The following ITPR2 variants were observed in gnomAD, a reference collection of about 807,000 sequenced individuals.
The protein encoded by ITPR2 is inositol 1,4,5-trisphosphate-gated calcium channel ITPR2.
In ITPR2, 207 loss-of-function variants were observed where a neutral mutation model predicts 317.1. The observed-to-expected ratio is 0.65, with a 90% CI of 0.58 to 0.73. The LOEUF is 0.73. Ranked by LOEUF, ITPR2 falls within the 30% of genes least tolerant of loss-of-function variation. The pLI is 0.00. For synonymous variants in ITPR2, 1,156 were observed against 1,149.1 expected, an observed-to-expected ratio of 1.01 and a Z score of -0.12; for missense variants, 2,613 against 3,284.0, an observed-to-expected ratio of 0.80 and a Z score of 4.99.
At chr12:26,451,185 G>T (rs1565533966) in intron 45 of ITPR2, among the ~76,000 whole-genome samples, 1 of 152,112 alleles carries the variant, frequency 6.6e-6, no homozygotes, top group Non-Finnish European at 1.5e-5. Context: ...GGAAAATGTG[G>T]CAGTGGACAG....
intron 10 of ITPR2, among the ~76,000 whole-genome samples, chr12:26,691,244 T>C (rs569993392): frequency 1.3e-5 from 2 of 152,348 alleles, no homozygotes; most frequent in South Asian, 2.1e-4. Flanking sequence ...AAAGTCAATA[T>C]ATCTTTATAA....
intron 2 of ITPR2, among the ~76,000 whole-genome samples, chr12:26,779,459 T>C (rs375401039): frequency 6.6e-6 from 1 of 152,232 alleles, no homozygotes; most frequent in Admixed American, 6.5e-5. Flanking sequence ...GACTGGGCTC[T>C]AGCAGGTCCT....
chr12:26,419,174 T>C lies in ITPR2; in HGVS notation c.6985A>G (p.Asn2329Asp). 6.2e-7 allele frequency: 1 copy of C among 1,613,732 alleles called. No individual in the cohort carries two copies. The highest frequency in any genetic ancestry group is 2.2e-5 in the East Asian group (1 of 44,852). ...KIVFLVSFVG[N>D]RGTFTRGYRA... ...TACCCACGGGTGAACGTGCCACGAT[T>C]TCCAACAAAACTCACCAGAAAAACA... The change falls in exon 50 of 57, where the codon AAT (asparagine) becomes GAT (aspartate). Residue 2329 changes from asparagine (N) to aspartate (D), a missense_variant. Transcript: ENST00000381340.
At chr12:26,642,862 T>C (rs990302203) in intron 21 of ITPR2, among the ~76,000 whole-genome samples, 3 of 152,120 alleles carry the variant, frequency 2.0e-5, no homozygotes, top group African/African-American at 7.2e-5. Flanking sequence ...CTGCCCAGAT[T>C]CCCTTTCAGA....
At chr12:26,747,431 T>A (rs1949342523) in intron 2 of ITPR2, among the ~76,000 whole-genome samples, 1 of 152,224 alleles carries the variant, frequency 6.6e-6, no homozygotes, top group Non-Finnish European at 1.5e-5. Flanking sequence ...TATTTAAAAC[T>A]ACCACTTTTG....
At chr12:26,586,014 ATGTT>A (rs1945516143) in intron 32 of ITPR2, among the ~76,000 whole-genome samples, 1 of 152,124 alleles carries the variant, frequency 6.6e-6, no homozygotes, top group South Asian at 2.1e-4. Flanking sequence ...TAAATCATGA[ATGTT>A]TGGTTTTTCC....
chr12:26,625,880 A>G (rs1221694515), intron 23 of ITPR2, among the ~76,000 whole-genome samples: 7 of 151,458 alleles, frequency 4.6e-5, no homozygotes, highest in Non-Finnish European at 8.8e-5. Flanking sequence ...TTTTTTTTCT[A>G]CGTGAACCAA....
rs1345611885 is a variant in ITPR2 at position 26,502,836 on chromosome 12, G to A, written c.5074-7576C>T. ...AAAGGTCTTCCTCCTAGACAATGGG[G>A]AAAGTCATAACTAGTTTGCTGTTTT... On this transcript the variant is annotated intron_variant, in intron 37 of 56. Coordinates refer to ENST00000381340, the MANE Select transcript of ITPR2 (RefSeq NM_002223.4). Among the ~76,000 whole-genome samples the A allele has an allele frequency of 2.0e-5, 3 of 152,248 alleles. No individual in the cohort carries two copies. The South Asian group carries it at 6.2e-4, about 32-fold the overall frequency.
At chr12:26,518,740 T>A (rs1382959841) in intron 37 of ITPR2, among the ~76,000 whole-genome samples, 1 of 152,070 alleles carries the variant, frequency 6.6e-6, no homozygotes, top group Admixed American at 6.6e-5. Context: ...TTTTTAAAAT[T>A]TAACAATTTT....
chr12:26,647,296 C>T (rs1947134699), intron 21 of ITPR2, among the ~76,000 whole-genome samples: 1 of 152,168 alleles, frequency 6.6e-6, no homozygotes, highest in South Asian at 2.1e-4. Context: ...AGATGATACT[C>T]GAATGATTCA....
intron 10 of ITPR2, among the ~76,000 whole-genome samples, chr12:26,694,915 G>A (rs1012883418): frequency 2.0e-5 from 3 of 152,124 alleles, no homozygotes; most frequent in Admixed American, 6.5e-5. Context: ...GACAGAGAAG[G>A]GGGTCAAACA....
intron 9 of ITPR2, among the ~76,000 whole-genome samples, chr12:26,697,808 A>T (rs1043001300): frequency 8.0e-5 from 12 of 150,778 alleles, no homozygotes; most frequent in South Asian, 2.1e-4. Context: ...AATTATAATA[A>T]TAATAATATA....
intron 2 of ITPR2, among the ~76,000 whole-genome samples, chr12:26,785,515 A>C (rs1950217921): frequency 2.7e-5 from 1 of 37,380 alleles, no homozygotes; most frequent in Non-Finnish European, 6.7e-5. Flanking sequence ...GGAAGTGAGG[A>C]CCCCTCTGCC....
intron 1 of ITPR2, among the ~76,000 whole-genome samples, chr12:26,810,281 C>A (rs1210493230): frequency 6.6e-6 from 1 of 152,114 alleles, no homozygotes; most frequent in Non-Finnish European, 1.5e-5. Context: ...ATGGTTGCCT[C>A]AAATCCTTAT....
chr12:26,616,866 T>C (rs992907804), intron 26 of ITPR2, among the ~76,000 whole-genome samples: 4 of 152,198 alleles, frequency 2.6e-5, no homozygotes, highest in Non-Finnish European at 5.9e-5. Flanking sequence ...ATGATGAGGA[T>C]GAAGACCTTT....
chr12:26,688,890 C>T (rs1276873092), intron 10 of ITPR2, among the ~76,000 whole-genome samples: 3 of 152,072 alleles, frequency 2.0e-5, no homozygotes, highest in Non-Finnish European at 2.9e-5. Flanking sequence ...GAAAACCACC[C>T]TCTCATCCCT....
chr12:26,593,355 A>T (rs1945754750), intron 32 of ITPR2, among the ~76,000 whole-genome samples: 1 of 152,178 alleles, frequency 6.6e-6, no homozygotes, highest in Non-Finnish European at 1.5e-5. Flanking sequence ...TGAACTGAAA[A>T]TTTACCTAGA....
rs937193679 is a variant in ITPR2 at position 26,581,914 on chromosome 12, G to A, written c.4381-1759C>T. On this transcript the variant is annotated intron_variant, in intron 32 of 56. Coordinates refer to ENST00000381340, the MANE Select transcript of ITPR2 (RefSeq NM_002223.4). ...TTCATGCAATTGCGTGGGGCTCTCT[G>A]GAGTCATCAGAGTATACCACACTGC... Among the ~76,000 whole-genome samples the A allele has an allele frequency of 5.9e-5, 9 of 152,246 alleles. No homozygotes were observed. In the East Asian group the frequency reaches 1.5e-3, roughly 26 times the overall value.
Position 26,801,888 on chromosome 12 carries a change from T to TA in ITPR2, c.93-11662dup, listed in dbSNP as rs751619183. On this transcript the variant is annotated intron_variant, in intron 1 of 56. Transcript: ENST00000381340. ...TTAACAAAATAAAAATACTTCATGT[T>TA]AAAAAAAAAAAAAGCTAGATTTTGT... is the stretch of plus-strand genomic sequence containing the variant. Among the ~76,000 whole-genome samples the TA allele has an allele frequency of 4.9e-3, 684 of 140,280 alleles. 7 individuals are homozygous for TA. Among genetic ancestry groups the TA allele is most frequent in the East Asian group, 0.02 (99 of 4,946 alleles). 92.0% of individuals were successfully genotyped at this position (140,280 alleles called of 152,430 possible).
Sources: gnomAD v4.1 joint callset for allele counts (sites outside exome capture counted in the v4.1 genomes callset) on GRCh38, gnomAD v4.1.1 for gene constraint, MANE v1.5 for transcripts, NCBI Gene and HGNC (gene_info 2026-07-23, HGNC 2026-07-21) for gene names.